The following UNC13B variants were observed in gnomAD, a reference collection of about 807,000 sequenced individuals.
UNC13B encodes unc-13 homolog B.
Under a neutral mutation model 211.0 loss-of-function variants are expected in UNC13B, and 144 were observed. That is an observed-to-expected ratio of 0.68 (90% CI 0.60 to 0.78). The LOEUF is 0.78. UNC13B is among the 30% of genes least tolerant of loss of function. UNC13B has a pLI of 0.00. For synonymous variants in UNC13B, 709 were observed against 725.8 expected, an observed-to-expected ratio of 0.98 and a Z score of 0.37; for missense variants, 1,777 against 2,002.0, an observed-to-expected ratio of 0.89 and a Z score of 2.14.
chr9:35,312,749 G>A (rs545463093), intron 10 of UNC13B, among the ~76,000 whole-genome samples: 9 of 152,340 alleles, frequency 5.9e-5, no homozygotes, highest in African/African-American at 1.9e-4. Context: ...AAACATTGTT[G>A]CCAAGAATTA....
At chr9:35,337,045 C>A (rs1031253336) in intron 11 of UNC13B, among the ~76,000 whole-genome samples, 2 of 151,312 alleles carry the variant, frequency 1.3e-5, no homozygotes. Context: ...TTCCTCTAGA[C>A]ATGGGCAGGT....
intron 5 of UNC13B, among the ~76,000 whole-genome samples, chr9:35,239,956 A>G (rs1270172564): frequency 2.0e-5 from 3 of 152,128 alleles, no homozygotes; most frequent in African/African-American, 7.2e-5. Flanking sequence ...AGTTAACACA[A>G]TCCTCACAGG....
chr9:35,196,963 A>T (rs768952116), intron 1 of UNC13B, among the ~76,000 whole-genome samples: 4 of 151,330 alleles, frequency 2.6e-5, no homozygotes, highest in African/African-American at 9.7e-5. Context: ...TAGAGACAGG[A>T]TCTCCCTATG....
intron 11 of UNC13B, among the ~76,000 whole-genome samples, chr9:35,317,314 C>T (rs1830509495): frequency 6.6e-6 from 1 of 152,020 alleles, no homozygotes; most frequent in Non-Finnish European, 1.5e-5. Context: ...GATCCTCCCA[C>T]CTCAGCCTCC....
chr9:35,288,412 A>G (rs1828911861), intron 7 of UNC13B, among the ~76,000 whole-genome samples: 1 of 152,156 alleles, frequency 6.6e-6, no homozygotes, highest in Non-Finnish European at 1.5e-5. Flanking sequence ...CTCTCACTCT[A>G]GATATTCTGG....
intron 11 of UNC13B, among the ~76,000 whole-genome samples, chr9:35,362,520 G>C (rs1228432140): frequency 6.6e-6 from 1 of 152,198 alleles, no homozygotes; most frequent in East Asian, 1.9e-4. Flanking sequence ...TTAAAAATCT[G>C]CATCTAGGGC....
intron 11 of UNC13B, among the ~76,000 whole-genome samples, chr9:35,320,642 A>G (rs985230739): frequency 6.6e-6 from 1 of 152,168 alleles, no homozygotes; most frequent in African/African-American, 2.4e-5. Flanking sequence ...TTTCATTCAC[A>G]TCTTTTAAAA....
Position 35,303,859 on chromosome 9 carries a change from A to C in UNC13B, c.4455A>C (p.Thr1485=). The C allele has an allele frequency of 2.5e-6, 1 of 398,796 alleles. No individual in the cohort carries two copies. The highest frequency in any genetic ancestry group is 4.4e-6 in the Non-Finnish European group (1 of 225,854). 24.7% of individuals were successfully genotyped at this position (398,796 alleles called of 1,614,324 possible). ...LSSSSDHEKT[T]CPVVDQESLR... is the part of the protein sequence containing the mutation. ...CTTCATCAGATCATGAAAAGACTAC[A>C]TGCCCCGTAGTTGATCAAGAATCAT... Residue 1485 remains threonine, a synonymous_variant, in exon 9 of 40, where the codon ACA becomes ACC. Transcript: ENST00000635942.
intron 11 of UNC13B, among the ~76,000 whole-genome samples, chr9:35,343,513 C>T (rs1283225867): frequency 6.6e-6 from 1 of 152,144 alleles, no homozygotes; most frequent in Admixed American, 6.5e-5. Context: ...GGGAGAAAAG[C>T]TCTCATCTTC....
intron 1 of UNC13B, among the ~76,000 whole-genome samples, chr9:35,220,201 G>T (rs528755899): frequency 2.6e-5 from 4 of 151,640 alleles, no homozygotes; most frequent in Non-Finnish European, 4.4e-5. Context: ...GGGTACATGA[G>T]ATATTTTGTT....
In UNC13B at chr9:35,252,945, T is replaced by A. The variant is rs575168423; in HGVS notation, c.469-6048T>A. On this transcript the variant is annotated intron_variant, in intron 6 of 39. Transcript: ENST00000635942. Reference sequence around the variant, plus strand: ...ACTCTGTCTCAAAAGAAAAAAAAAATTTTTTTTCTGTTACCAGCTATTCAG... The same window carrying A: ...ACTCTGTCTCAAAAGAAAAAAAAAAATTTTTTTCTGTTACCAGCTATTCAG... Among the ~76,000 whole-genome samples the A allele has an allele frequency of 1.1e-3, 166 of 151,574 alleles. 1 individual carries two copies. Among genetic ancestry groups the A allele is most frequent in the African/African-American group, 3.4e-3 (140 of 41,346 alleles).
intron 1 of UNC13B, among the ~76,000 whole-genome samples, chr9:35,166,602 C>T (rs976695039): frequency 2.6e-5 from 4 of 151,870 alleles, no homozygotes; most frequent in Admixed American, 6.6e-5. Context: ...CTCAGCATCA[C>T]GAGTAGCTGG....
chr9:35,170,664 G>T (rs904782111), intron 1 of UNC13B, among the ~76,000 whole-genome samples: 2 of 151,804 alleles, frequency 1.3e-5, no homozygotes, highest in African/African-American at 2.4e-5. Context: ...TAGAGATGGG[G>T]TCTTGCTATG....
chr9:35,244,892 T>C (rs7040615), intron 6 of UNC13B, among the ~76,000 whole-genome samples: 3,961 of 152,284 alleles, frequency 0.026, 175 homozygotes, highest in African/African-American at 0.088. Flanking sequence ...AAGCAACATC[T>C]ACTCTTTTCA....
chr9:35,324,002 A>G lies in UNC13B; in HGVS notation c.9414+10013A>G, dbSNP rs369861218. 9.8e-4 allele frequency among the ~76,000 whole-genome samples: 149 copies of G among 152,344 alleles called. 3 individuals carry two copies. The South Asian group carries it at 0.029, about 30-fold the overall frequency. ...TTGAATACTACTATGTGTAGGCACT[A>G]TATCTTTACATGCATTACCTAATGA... On this transcript the variant is annotated intron_variant, in intron 11 of 39. Transcript: ENST00000635942.
intron 11 of UNC13B, among the ~76,000 whole-genome samples, chr9:35,339,246 G>T (rs1831841650): frequency 6.6e-6 from 1 of 152,196 alleles, no homozygotes; most frequent in African/African-American, 2.4e-5. Flanking sequence ...TGCCCAGCTA[G>T]CTCCTGAGCA....
intron 1 of UNC13B, among the ~76,000 whole-genome samples, chr9:35,220,576 C>T (rs553141719): frequency 1.3e-5 from 2 of 152,062 alleles, no homozygotes; most frequent in East Asian, 1.9e-4. Flanking sequence ...ACACAATGAC[C>T]TCCAGTTCCA....
At chr9:35,215,166 A>G (rs934721830) in intron 1 of UNC13B, among the ~76,000 whole-genome samples, 2 of 152,160 alleles carry the variant, frequency 1.3e-5, no homozygotes, top group Non-Finnish European at 2.9e-5. Flanking sequence ...AACACTTTGG[A>G]AGGCTGGGGT....
At position 35,356,228 on chromosome 9, in the gene UNC13B, C is replaced by T. The variant is rs1449436366; in HGVS notation, c.9415-10719C>T. Among the ~76,000 whole-genome samples the T allele has an allele frequency of 2.6e-5, 4 of 152,126 alleles. No individual in the cohort carries two copies. In the South Asian group the frequency reaches 6.2e-4, roughly 24 times the overall value. On this transcript the variant is annotated intron_variant, in intron 11 of 39. Coordinates refer to ENST00000635942, the MANE Select transcript of UNC13B (RefSeq NM_001371189.2). The stretch of plus-strand genomic sequence containing the variant: ...CAACATAGACTTCACTGGAGCAGTC[C>T]CCTAACCTAGTAAACTGATTCAGTA...
Sources: gnomAD v4.1 joint callset for allele counts (sites outside exome capture counted in the v4.1 genomes callset) on GRCh38, gnomAD v4.1.1 for gene constraint, MANE v1.5 for transcripts, NCBI Gene and HGNC (gene_info 2026-07-23, HGNC 2026-07-21) for gene names.